RFX3: variants seen among roughly 807,000 people sequenced by gnomAD.
The protein encoded by RFX3 is regulatory factor X3.
RFX3 carries 14 observed loss-of-function variants against 98.6 expected under a neutral mutation model. That is an observed-to-expected ratio of 0.14 (90% confidence interval 0.09 to 0.22). The LOEUF is 0.22. Among genes scored for constraint, RFX3 ranks in the 10% least tolerant of loss-of-function variants. The pLI is 1.00. For synonymous variants in RFX3, 383 were observed against 328.4 expected (o/e 1.17, Z -1.80); for missense variants, 639 against 926.9 (o/e 0.69, Z 4.03).
intron 14 of RFX3, among the ~76,000 whole-genome samples, chr9:3,251,042 A>C (rs183660717): frequency 2.0e-5 from 3 of 152,326 alleles, no homozygotes; most frequent in Non-Finnish European, 2.9e-5. Flanking sequence ...CATTTTTAAA[A>C]ACTCTATCAA....
At chr9:3,422,848 T>C (rs1330623335) in intron 1 of RFX3, among the ~76,000 whole-genome samples, 1 of 152,160 alleles carries the variant, frequency 6.6e-6, no homozygotes, top group Admixed American at 6.5e-5. Context: ...ATTTCAGAAA[T>C]GTAATTTCTA....
At chr9:3,422,521 G>C (rs571359754) in intron 1 of RFX3, among the ~76,000 whole-genome samples, 1 of 152,188 alleles carries the variant, frequency 6.6e-6, no homozygotes, top group African/African-American at 2.4e-5. Context: ...TGCCTTATTA[G>C]AAGCAACTCT....
intron 9 of RFX3, among the ~76,000 whole-genome samples, chr9:3,272,533 A>C (rs772078494): frequency 1.1e-4 from 16 of 152,316 alleles, no homozygotes; most frequent in South Asian, 2.1e-4. Context: ...CAGTAACAAT[A>C]AAAATGCAAA....
intron 15 of RFX3, among the ~76,000 whole-genome samples, chr9:3,242,311 T>C (rs145075799): frequency 3.3e-4 from 50 of 152,192 alleles, no homozygotes; most frequent in Admixed American, 1.1e-3. Flanking sequence ...AATACTAATA[T>C]AGTAAATAAT....
At chr9:3,505,824 C>T (rs964829067) in intron 1 of RFX3, among the ~76,000 whole-genome samples, 3 of 150,796 alleles carry the variant, frequency 2.0e-5, no homozygotes, top group Admixed American at 1.3e-4. Context: ...ATAGCATTGA[C>T]AACCATCTAT....
chr9:3,287,833 T>C (rs1185762891), intron 7 of RFX3, among the ~76,000 whole-genome samples: 3 of 151,974 alleles, frequency 2.0e-5, no homozygotes, highest in Non-Finnish European at 4.4e-5. Flanking sequence ...AACAAATTTC[T>C]CCAGTTGGTA....
chr9:3,370,168 T>G (rs554603914), intron 2 of RFX3, among the ~76,000 whole-genome samples: 1 of 148,390 alleles, frequency 6.7e-6, no homozygotes, highest in African/African-American at 2.5e-5. Context: ...GACTGCTGGT[T>G]AGGATGTTTC....
At chr9:3,511,701 T>TA (rs1817679051) in intron 1 of RFX3, among the ~76,000 whole-genome samples, 1 of 152,020 alleles carries the variant, frequency 6.6e-6, no homozygotes, top group South Asian at 2.1e-4. Context: ...AGACAAAAGA[T>TA]AACCCCATTT....
chr9:3,272,114 G>A (rs1285659015), intron 9 of RFX3, among the ~76,000 whole-genome samples: 3 of 151,958 alleles, frequency 2.0e-5, no homozygotes, highest in African/African-American at 7.3e-5. Flanking sequence ...CAATTAGTTT[G>A]TAAATAAGCC....
Position 3,439,133 on chromosome 9 carries a change from A to T in RFX3, c.-8-43537T>A, listed in dbSNP as rs558445049. ...AAAGTATTTTAAACTGAACGAAATTAAAAAAAATAAAAATAAAAATTTGTA... is the reference window on the plus strand; with the variant it reads ...AAAGTATTTTAAACTGAACGAAATTTAAAAAAATAAAAATAAAAATTTGTA... On this transcript the variant is annotated intron_variant, in intron 1 of 16. Transcript: ENST00000617270. Among the ~76,000 whole-genome samples the T allele has an allele frequency of 3.3e-5, 5 of 151,776 alleles. No homozygotes were observed. In the South Asian group the frequency reaches 8.3e-4, roughly 25 times the overall value.
At chr9:3,342,774 A>T (rs1341226056) in intron 3 of RFX3, among the ~76,000 whole-genome samples, 1 of 152,228 alleles carries the variant, frequency 6.6e-6, no homozygotes, top group Non-Finnish European at 1.5e-5. Context: ...ATTCTAATTG[A>T]TTAAATATCA....
intron 3 of RFX3, among the ~76,000 whole-genome samples, chr9:3,339,675 C>T (rs182121543): frequency 6.6e-6 from 1 of 152,238 alleles, no homozygotes; most frequent in East Asian, 1.9e-4. Flanking sequence ...AACCAGGTCC[C>T]CGCCCACATG....
intron 4 of RFX3, among the ~76,000 whole-genome samples, chr9:3,303,358 A>T (rs1057504577): frequency 6.6e-6 from 1 of 151,870 alleles, no homozygotes; most frequent in Admixed American, 6.6e-5. Flanking sequence ...AGCAGAAAAC[A>T]AGTCAAAGGA....
At chr9:3,225,798 C>A (rs1474963012) in intron 16 of RFX3, among the ~76,000 whole-genome samples, 1 of 152,118 alleles carries the variant, frequency 6.6e-6, no homozygotes, top group Non-Finnish European at 1.5e-5. Flanking sequence ...TGCTGTAAGA[C>A]TTTCTGGCAC....
In RFX3 at chr9:3,370,790, A is replaced by G. The variant is rs546581100; in HGVS notation, c.118-24026T>C. Among the ~76,000 whole-genome samples the G allele has an allele frequency of 3.5e-4, 54 of 152,302 alleles. No homozygotes were observed. The South Asian group carries it at 6.2e-3, about 18-fold the overall frequency. Reference sequence around the variant, plus strand: ...CATGCTTATACAACTGCAAATTGAGATTAAGTATTTTACTTTACAATGTCC... The same window carrying G: ...CATGCTTATACAACTGCAAATTGAGGTTAAGTATTTTACTTTACAATGTCC... On this transcript the variant is annotated intron_variant, in intron 2 of 16. Transcript: ENST00000617270.
chr9:3,423,793 A>ATC (rs1351150219), intron 1 of RFX3, among the ~76,000 whole-genome samples: 12 of 124,326 alleles, frequency 9.7e-5, no homozygotes, highest in African/African-American at 4.2e-4. Context: ...ATATATATAT[A>ATC]TATATATATA....
intron 2 of RFX3, among the ~76,000 whole-genome samples, chr9:3,348,019 G>A (rs1279509794): frequency 6.6e-6 from 1 of 152,152 alleles, no homozygotes; most frequent in East Asian, 1.9e-4. Context: ...TATAGTATTG[G>A]TTTTTTCAAA....
chr9:3,403,250 T>C (rs1841647076), intron 1 of RFX3, among the ~76,000 whole-genome samples: 1 of 152,118 alleles, frequency 6.6e-6, no homozygotes, highest in African/African-American at 2.4e-5. Context: ...AAACACATCT[T>C]TGTGAAAAAT....
At chr9:3,335,376 C>G (rs1833048620) in intron 3 of RFX3, among the ~76,000 whole-genome samples, 2 of 152,134 alleles carry the variant, frequency 1.3e-5, no homozygotes, top group South Asian at 4.1e-4. Context: ...GAAATAGACT[C>G]TCTAATTCTG....
Sources: gnomAD v4.1 joint callset for allele counts (sites outside exome capture counted in the v4.1 genomes callset) on GRCh38, gnomAD v4.1.1 for gene constraint, MANE v1.5 for transcripts, NCBI Gene and HGNC (gene_info 2026-07-23, HGNC 2026-07-21) for gene names.